The following ZNF84 variants were observed in gnomAD, a reference collection of about 807,000 sequenced individuals.
The protein encoded by ZNF84 is zinc finger protein 84.
In ZNF84, 12 loss-of-function variants were observed where a neutral mutation model predicts 14.8. The ratio of observed to expected loss-of-function variants is 0.81; its 90% CI spans 0.52 to 1.31. The LOEUF is 1.31. Ranked by LOEUF, ZNF84 falls within the 50% of genes most tolerant of loss-of-function variation. The pLI is 0.00. For synonymous variants in ZNF84, 347 were observed against 291.1 expected (o/e 1.19, Z -1.96); for missense variants, 859 against 878.6 (o/e 0.98, Z 0.28).
chr12:133,041,071 A>G (rs971316667), intron 1 of ZNF84: 59 of 208,096 alleles, frequency 2.8e-4, no homozygotes, highest in Admixed American at 1.7e-4. Context: ...CAATTACTTT[A>G]TTTCTGATAT....
In ZNF84 at chr12:133,047,972, C is replaced by T. The variant is rs57640632; in HGVS notation, c.33C>T (p.Asp11=). The part of the protein sequence containing the change: MTMLQESFSF[D]DLSVDFTQKE... Reference sequence around the variant, plus strand: ...TCTTACAGGAGTCATTCTCATTTGACGATTTATCTGTGGACTTCACCCAAA... The same window carrying T: ...TCTTACAGGAGTCATTCTCATTTGATGATTTATCTGTGGACTTCACCCAAA... Residue 11 remains aspartate, a synonymous_variant, in exon 3 of 5, where the codon GAC becomes GAT. Transcript: ENST00000539354. The T allele has an allele frequency of 8.3e-4, 1,338 of 1,613,880 alleles. 10 individuals carry two copies. In the African/African-American group the frequency reaches 0.015, roughly 19 times the overall value.
At position 133,061,467 on chromosome 12, in the gene ZNF84, AAAG is replaced by A. The variant is rs1360700938; in HGVS notation, c.*2538_*2540del. 1 of 152,192 alleles carries A rather than the reference AAAG, an allele frequency of 6.6e-6. No individual in the cohort carries two copies. The highest frequency in any genetic ancestry group is 1.5e-5 in the Non-Finnish European group (1 of 68,038). The allele number at this position is 152,192 out of a possible 1,614,324, so 9.4% of individuals were successfully genotyped here. ...GCGACAGAGCGAGCCTCTGTCAAAA[AAAG>A]AAAAGAAAAAGAACTTCCTACTTTT... On this transcript the variant is annotated 3_prime_UTR_variant, in exon 5 of 5. Transcript: ENST00000539354.
At chr12:133,041,522 T>G in intron 2 of ZNF84, 40 bp downstream of exon 2, 2 of 1,603,536 alleles carry the variant, frequency 1.2e-6, no homozygotes, top group African/African-American at 2.7e-5. Context: ...CCCAGGGAAT[T>G]AGAAGAAATG....
At chr12:133,049,049 A>C (rs1193592430) in intron 4 of ZNF84, among the ~76,000 whole-genome samples, 3 of 152,172 alleles carry the variant, frequency 2.0e-5, no homozygotes, top group South Asian at 2.1e-4. Flanking sequence ...CTCTTTTCAA[A>C]ATCTCTAAAC....
chr12:133,059,187 G>A lies in ZNF84; in HGVS notation c.*255G>A, dbSNP rs1161541485. On this transcript the variant is annotated 3_prime_UTR_variant, in exon 5 of 5. Coordinates refer to ENST00000539354, the MANE Select transcript of ZNF84 (RefSeq NM_001289971.2). The stretch of plus-strand genomic sequence containing the variant: ...AACATTCACAGCAAAGAAGAATCCT[G>A]TGAATGTCCAAAAGCCTTCCAGAAG... 4.8e-6 allele frequency: 2 copies of A among 417,206 alleles called. No homozygotes were observed. The highest frequency in any genetic ancestry group is 1.9e-4 in the South Asian group (2 of 10,620). The allele number at this position is 417,206 out of a possible 1,614,324, so 25.8% of individuals were successfully genotyped here.
chr12:133,057,836 C>G lies in ZNF84; in HGVS notation c.1121C>G (p.Pro374Arg). 1 of 1,613,358 alleles carries G rather than the reference C, an allele frequency of 6.2e-7. No individual in the cohort carries two copies. Among genetic ancestry groups the G allele is most frequent in the Non-Finnish European group, 8.5e-7 (1 of 1,179,574 alleles). ...THHRTHTGTK[P>R]FGCSDCRKAF... ...CACAGAACTCACACAGGAACAAAACCCTTTGGATGTAGTGATTGTAGAAAA... is the reference window on the plus strand; with the variant it reads ...CACAGAACTCACACAGGAACAAAACGCTTTGGATGTAGTGATTGTAGAAAA... Residue 374 changes from proline (P) to arginine (R), a missense_variant, in exon 5 of 5, where the codon CCC becomes CGC. Coordinates refer to ENST00000539354, the MANE Select transcript of ZNF84 (RefSeq NM_001289971.2).
At chr12:133,047,842 A>G (rs1379248218) in intron 2 of ZNF84, 113 bp from the exon 3 acceptor site, 30 of 1,166,908 alleles carry the variant, frequency 2.6e-5, no homozygotes, top group Non-Finnish European at 2.0e-5. Flanking sequence ...GTAGAGACAT[A>G]GTAGGCATTT....
intron 2 of ZNF84, among the ~76,000 whole-genome samples, chr12:133,045,331 C>T (rs112980598): frequency 0.045 from 6,828 of 152,158 alleles, 198 homozygotes; most frequent in Middle Eastern, 0.095. Flanking sequence ...ATTAGCTGGG[C>T]GTAGTGGCAG....
chr12:133,058,981 A>G lies in ZNF84; in HGVS notation c.*49A>G. The stretch of plus-strand genomic sequence containing the variant: ...GACAGATCATCTTGGACTTCAGGAA[A>G]TGCAATTATGATAACGTTTGTAGAC... On this transcript the variant is annotated 3_prime_UTR_variant, in exon 5 of 5. Coordinates refer to ENST00000539354, the MANE Select transcript of ZNF84 (RefSeq NM_001289971.2). 1 of 1,500,110 alleles carries G rather than the reference A, an allele frequency of 6.7e-7. No homozygotes were observed. Among genetic ancestry groups the G allele is most frequent in the Non-Finnish European group, 8.9e-7 (1 of 1,123,330 alleles). 92.9% of individuals were successfully genotyped at this position (1,500,110 alleles called of 1,614,324 possible). A position where few individuals can be genotyped will look rare whatever the true frequency, so the allele number is the denominator to read the frequency against.
Position 133,058,322 on chromosome 12 carries a change from C to G in ZNF84, c.1607C>G (p.Thr536Arg). ...QKSHLISHQR[T>R]HTGEKPYECS... ...TCACATCTCATATCACATCAGAGGA[C>G]ACATACAGGGGAGAAACCCTATGAA... Residue 536 changes from threonine to arginine, a missense_variant, in exon 5 of 5, where the codon ACA becomes AGA. Physicochemically the swap from Thr to Arg is moderately conservative, Grantham distance 71. Coordinates refer to ENST00000539354, the MANE Select transcript of ZNF84 (RefSeq NM_001289971.2). The G allele has an allele frequency of 1.2e-6, 2 of 1,613,934 alleles. No individual in the cohort carries two copies. The highest frequency in any genetic ancestry group is 1.7e-6 in the Non-Finnish European group (2 of 1,179,960).
Position 133,061,289 on chromosome 12 carries a change from G to A in ZNF84, c.*2357G>A, listed in dbSNP as rs582445. The A allele has an allele frequency of 0.92, 139,721 of 151,994 alleles. 64,579 individuals are homozygous for A. Among genetic ancestry groups the A allele is most frequent in the East Asian group, 1 (5,135 of 5,142 alleles). 9.4% of individuals were successfully genotyped at this position (151,994 alleles called of 1,614,324 possible). ...ACTTGAGGTCAGGAGTTGAAGACCA[G>A]CATGTTCATGGCCAACATGGCAAAA... On this transcript the variant is annotated 3_prime_UTR_variant, in exon 5 of 5. Coordinates refer to ENST00000539354, the MANE Select transcript of ZNF84 (RefSeq NM_001289971.2).
At chr12:133,054,468 C>T (rs1404103291) in intron 4 of ZNF84, among the ~76,000 whole-genome samples, 1 of 152,172 alleles carries the variant, frequency 6.6e-6, no homozygotes, top group Non-Finnish European at 1.5e-5. Context: ...TAACAAATGA[C>T]TGTCAAACTG....
chr12:133,055,143 GTTAT>G (rs1197359031), intron 4 of ZNF84, among the ~76,000 whole-genome samples: 18 of 152,110 alleles, frequency 1.2e-4, no homozygotes, highest in Middle Eastern at 6.8e-3. Flanking sequence ...AAAATTTTGA[GTTAT>G]TTATTGATTG....
At chr12:133,042,697 G>A (rs1467063536) in intron 2 of ZNF84, among the ~76,000 whole-genome samples, 2 of 152,312 alleles carry the variant, frequency 1.3e-5, no homozygotes, top group Admixed American at 6.5e-5. Flanking sequence ...TTTTCATAGC[G>A]TTCTTCAGAG....
At chr12:133,040,998 C>G (rs1953877111) in intron 1 of ZNF84, 1 of 157,976 alleles carries the variant, frequency 6.3e-6, no homozygotes, top group African/African-American at 2.4e-5. Context: ...TGTGTTTTTC[C>G]TAACAGCACC....
rs890000255 is a variant in ZNF84 at position 133,058,138 on chromosome 12, G to A, written c.1423G>A (p.Val475Ile). 216 of 1,613,778 alleles carry A rather than the reference G, an allele frequency of 1.3e-4. No individual in the cohort carries two copies. The highest frequency in any genetic ancestry group is 1.7e-4 in the Non-Finnish European group (197 of 1,179,988). The change falls in exon 5 of 5, where the codon GTT becomes ATT. Residue 475 changes from valine (V) to isoleucine (I), a missense_variant. Transcript: ENST00000539354. ...AGCCTTCAGCAGGAAATCACAGCTC[G>A]TTAGACATCAGAGAACTCATACGGG... ...GKAFSRKSQL[V>I]RHQRTHTGEK...
At chr12:133,050,230 T>C (rs1954048874) in intron 4 of ZNF84, among the ~76,000 whole-genome samples, 2 of 152,226 alleles carry the variant, frequency 1.3e-5, no homozygotes, top group African/African-American at 2.4e-5. Flanking sequence ...TAGTGGATGC[T>C]CAGTTCTCCT....
chr12:133,056,935 G>A lies in ZNF84; in HGVS notation c.239-19G>A. On this transcript the variant is annotated intron_variant, in intron 4 of 4. Transcript: ENST00000539354. ...TTTAGAAAGCACAACCAAACAGATT[G>A]TTTTTGTTTCCTTTATAGAAGTCTG... The A allele has an allele frequency of 6.5e-7, 1 of 1,539,738 alleles. No homozygotes were observed. Among genetic ancestry groups the A allele is most frequent in the South Asian group, 1.3e-5 (1 of 77,160 alleles).
At chr12:133,044,973 G>T (rs977448527) in intron 2 of ZNF84, among the ~76,000 whole-genome samples, 9 of 151,898 alleles carry the variant, frequency 5.9e-5, no homozygotes, top group Non-Finnish European at 1.3e-4. Context: ...GCATAAGTTT[G>T]TAATATCTTT....
Sources: gnomAD v4.1 joint callset for allele counts (sites outside exome capture counted in the v4.1 genomes callset) on GRCh38, gnomAD v4.1.1 for gene constraint, MANE v1.5 for transcripts, NCBI Gene and HGNC (gene_info 2026-07-23, HGNC 2026-07-21) for gene names.